Variants in LRIG3 observed in about 807,000 individuals in gnomAD.
LRIG3 encodes leucine rich repeats and immunoglobulin like domains 3.
Under a neutral mutation model 114.5 loss-of-function variants are expected in LRIG3, and 76 were observed. That is an observed-to-expected ratio of 0.66 (90% confidence interval 0.55 to 0.80). The LOEUF is 0.80. Among genes scored for constraint, LRIG3 ranks in the 30% least tolerant of loss-of-function variants. The pLI, the probability that LRIG3 is intolerant of heterozygous loss-of-function variation, is 0.00. For synonymous variants in LRIG3, 512 were observed against 519.8 expected, an observed-to-expected ratio of 0.98 and a Z score of 0.20; for missense variants, 1,239 against 1,382.8, an observed-to-expected ratio of 0.90 and a Z score of 1.65.
intron 1 of LRIG3, among the ~76,000 whole-genome samples, chr12:58,916,994 T>A (rs1872502798): frequency 6.6e-6 from 1 of 152,130 alleles, no homozygotes; most frequent in Non-Finnish European, 1.5e-5. Flanking sequence ...TCTGGAAAGC[T>A]GAAAAACAAA....
chr12:58,872,882 T>C, intron 18 of LRIG3, 66 bp from the exon 19 acceptor site: 4 of 1,550,056 alleles, frequency 2.6e-6, no homozygotes, highest in Non-Finnish European at 3.5e-6. Flanking sequence ...TAAAACCCAT[T>C]GCAAATGAAG....
chr12:58,915,551 T>TA (rs879601132), intron 1 of LRIG3, among the ~76,000 whole-genome samples: 48 of 146,202 alleles, frequency 3.3e-4, no homozygotes, highest in South Asian at 1.3e-3. Flanking sequence ...CTTTTTCACC[T>TA]AAAAAAAAAA....
At chr12:58,896,402 A>G (rs988596399) in intron 3 of LRIG3, among the ~76,000 whole-genome samples, 3 of 152,246 alleles carry the variant, frequency 2.0e-5, no homozygotes, top group Non-Finnish European at 2.9e-5. Context: ...GGAGAACCAC[A>G]GAGTGGAATA....
At position 58,889,942 on chromosome 12, in the gene LRIG3, C is replaced by T. The variant is rs948395989; in HGVS notation, c.659+54G>A. ...CACATTGTAGATTTTAAGGAAAAGA[C>T]ACCAAGGGTTTGGAGGAGGTGAGAA... On this transcript the variant is annotated intron_variant, in intron 5 of 18. Coordinates refer to ENST00000320743, the MANE Select transcript of LRIG3 (RefSeq NM_153377.5). 3.2e-6 allele frequency: 5 copies of T among 1,581,950 alleles called. No homozygotes were observed. In the African/African-American group the frequency reaches 5.4e-5, roughly 17 times the overall value.
chr12:58,876,665 C>A, intron 15 of LRIG3, 62 bp from the exon 16 acceptor site: 5 of 1,567,868 alleles, frequency 3.2e-6, no homozygotes, highest in Non-Finnish European at 4.4e-6. Context: ...CACAGGCATC[C>A]CGGGTGAATG....
At chr12:58,899,998 C>G (rs1458434260) in intron 3 of LRIG3, among the ~76,000 whole-genome samples, 1 of 152,144 alleles carries the variant, frequency 6.6e-6, no homozygotes, top group African/African-American at 2.4e-5. Flanking sequence ...ACTTAATTTT[C>G]CTGATTTCAG....
intron 12 of LRIG3, among the ~76,000 whole-genome samples, chr12:58,881,158 G>A (rs892081046): frequency 1.3e-5 from 2 of 152,152 alleles, no homozygotes; most frequent in African/African-American, 4.8e-5. Flanking sequence ...TTATTTTGGA[G>A]CTATCGGAAA....
rs574700767 is a variant in LRIG3 at position 58,911,184 on chromosome 12, G to A, written c.383+2798C>T. Among the ~76,000 whole-genome samples, 3 of 152,182 alleles carry A rather than the reference G, an allele frequency of 2.0e-5. No homozygotes were observed. The South Asian group carries it at 6.2e-4, about 32-fold the overall frequency. The stretch of plus-strand genomic sequence containing the variant: ...GGTTAGAGATGAGCTTTGTTAGTGG[G>A]AAGATTATCGCAGATTCCTATCATC... On this transcript the variant is annotated intron_variant, in intron 3 of 18. Transcript: ENST00000320743.
intron 3 of LRIG3, among the ~76,000 whole-genome samples, chr12:58,910,830 C>A (rs1190827483): frequency 6.6e-6 from 1 of 152,186 alleles, no homozygotes; most frequent in Non-Finnish European, 1.5e-5. Flanking sequence ...CAGATTCAAA[C>A]TTCCCTAACC....
intron 3 of LRIG3, among the ~76,000 whole-genome samples, chr12:58,912,307 T>C (rs1369723428): frequency 6.6e-6 from 1 of 152,050 alleles, no homozygotes; most frequent in Non-Finnish European, 1.5e-5. Flanking sequence ...CCATCCTGGC[T>C]AACACGGTGA....
chr12:58,900,822 C>A (rs918667972), intron 3 of LRIG3, among the ~76,000 whole-genome samples: 3 of 152,136 alleles, frequency 2.0e-5, no homozygotes, highest in Non-Finnish European at 2.9e-5. Context: ...CTTTATTTCA[C>A]CAGAATATTT....
In LRIG3 at chr12:58,890,661, T is replaced by C; in HGVS notation, c.515+4A>G. Reference sequence around the variant, plus strand: ...AAGTTTTTGCTAAAGAAAACTTCACTTACAGATATTTGAGCTGTAGGGCTG... The same window carrying C: ...AAGTTTTTGCTAAAGAAAACTTCACCTACAGATATTTGAGCTGTAGGGCTG... On this transcript the variant is annotated splice_donor_region_variant and intron_variant, in intron 4 of 18. Transcript: ENST00000320743. 1 of 1,565,690 alleles carries C rather than the reference T, an allele frequency of 6.4e-7. No individual in the cohort carries two copies. The highest frequency in any genetic ancestry group is 8.6e-7 in the Non-Finnish European group (1 of 1,160,160).
At chr12:58,895,392 G>A (rs1365858865) in intron 3 of LRIG3, among the ~76,000 whole-genome samples, 1 of 152,172 alleles carries the variant, frequency 6.6e-6, no homozygotes, top group Non-Finnish European at 1.5e-5. Context: ...GAGATCTGTG[G>A]GATGAGTTAG....
At chr12:58,917,332 C>T (rs1212867316) in intron 1 of LRIG3, among the ~76,000 whole-genome samples, 1 of 152,160 alleles carries the variant, frequency 6.6e-6, no homozygotes, top group African/African-American at 2.4e-5. Context: ...GCAACTTTTC[C>T]GTCTCTGGGC....
intron 1 of LRIG3, among the ~76,000 whole-genome samples, chr12:58,917,310 A>G (rs776270097): frequency 2.0e-5 from 3 of 152,248 alleles, no homozygotes; most frequent in Non-Finnish European, 4.4e-5. Context: ...GGAAGTTCTC[A>G]TTGGCAATTT....
chr12:58,874,416 A>C lies in LRIG3; in HGVS notation c.2839+14T>G. On this transcript the variant is annotated intron_variant, in intron 17 of 18. Coordinates refer to ENST00000320743, the MANE Select transcript of LRIG3 (RefSeq NM_153377.5). The stretch of plus-strand genomic sequence containing the variant: ...TAAGAAACAGAACTGTACTCAAGCA[A>C]GAAAACCACCTACCTGTATGATATG... The C allele has an allele frequency of 6.2e-7, 1 of 1,613,848 alleles. No individual in the cohort carries two copies. The highest frequency in any genetic ancestry group is 1.7e-5 in the Admixed American group (1 of 59,974).
intron 3 of LRIG3, among the ~76,000 whole-genome samples, chr12:58,900,189 A>G (rs1242017247): frequency 6.6e-6 from 1 of 152,102 alleles, no homozygotes; most frequent in Admixed American, 6.5e-5. Context: ...CTATCCTCCT[A>G]TACAAAAGTT....
chr12:58,908,503 T>C lies in LRIG3; in HGVS notation c.383+5479A>G, dbSNP rs148282784. On this transcript the variant is annotated intron_variant, in intron 3 of 18. Transcript: ENST00000320743. ...AGGCATATGGGAAAGGGGGCTTTTATTTCCCACCTCATACATACTCCAGGG... is the reference window on the plus strand; with the variant it reads ...AGGCATATGGGAAAGGGGGCTTTTACTTCCCACCTCATACATACTCCAGGG... Among the ~76,000 whole-genome samples the C allele has an allele frequency of 3.4e-3, 515 of 152,338 alleles. 9 individuals carry two copies. Among genetic ancestry groups the C allele is most frequent in the African/African-American group, 0.012 (500 of 41,570 alleles).
chr12:58,894,933 G>A (rs1871587755), intron 3 of LRIG3, among the ~76,000 whole-genome samples: 1 of 152,146 alleles, frequency 6.6e-6, no homozygotes, highest in African/African-American at 2.4e-5. Flanking sequence ...TAGTCCCTGT[G>A]GACACACAGA....
Sources: gnomAD v4.1 joint callset for allele counts (sites outside exome capture counted in the v4.1 genomes callset) on GRCh38, gnomAD v4.1.1 for gene constraint, MANE v1.5 for transcripts, NCBI Gene and HGNC (gene_info 2026-07-23, HGNC 2026-07-21) for gene names.